Variants in ZNF366 observed in about 807,000 individuals in gnomAD.
ZNF366 encodes the protein dendritic cell-specific transcript protein.
ZNF366 carries 20 observed loss-of-function variants against 47.2 expected under a neutral mutation model. That is an observed-to-expected ratio of 0.42 (90% CI 0.30 to 0.62). The LOEUF (loss-of-function observed/expected upper bound fraction) is 0.62. Among genes scored for constraint, ZNF366 ranks in the 20% least tolerant of loss-of-function variants. ZNF366 has a pLI of 0.16. For synonymous variants in ZNF366, 421 were observed against 395.1 expected (o/e 1.07, Z -0.78); for missense variants, 987 against 976.3 (o/e 1.01, Z -0.15).
At chr5:72,485,594 C>G (rs1468065009) in intron 1 of ZNF366, among the ~76,000 whole-genome samples, 1 of 152,200 alleles carries the variant, frequency 6.6e-6, no homozygotes, top group Non-Finnish European at 1.5e-5. Context: ...AGCCTCCTGA[C>G]TCTTCTCCTG....
chr5:72,443,769 A>G lies in ZNF366; in HGVS notation c.2222T>C (p.Leu741Pro). ...LERKMEKQAV[L>P]LGI ...AAAACTGTCCACTTAGATACCTAAA[A>G]GCACTGCTTGTTTTTCCATTTTCCT... Residue 741 changes from leucine to proline, a missense_variant, in exon 5 of 5, where the codon CTT becomes CCT. By Grantham distance (98) the Leu-to-Pro change is moderately conservative (BLOSUM62 -3). Transcript: ENST00000318442. 6.2e-7 allele frequency: 1 copy of G among 1,613,000 alleles called. No homozygotes were observed. Among genetic ancestry groups the G allele is most frequent in the African/African-American group, 1.3e-5 (1 of 74,896 alleles).
Position 72,460,231 on chromosome 5 carries a change from G to C in ZNF366, c.1266C>G (p.Ile422Met), listed in dbSNP as rs770873073. The C allele has an allele frequency of 6.2e-7, 1 of 1,614,270 alleles. No homozygotes were observed. Among genetic ancestry groups the C allele is most frequent in the Non-Finnish European group, 8.5e-7 (1 of 1,180,052 alleles). The change falls in exon 2 of 5, where the codon ATC becomes ATG. Residue 422 changes from isoleucine to methionine, a missense_variant. By Grantham distance (10) the Ile-to-Met change is conservative. Around this residue, in one of 3 missense-constraint regions of ZNF366, gnomAD observed 111 missense variants for 180.5 expected, o/e 0.61. Coordinates refer to ENST00000318442, the MANE Select transcript of ZNF366 (RefSeq NM_152625.3). ...CAAACTCCATGCCACACTCTGAGCAGATGTAGGGCCGGATGTCCTTGTGCT... is the reference window on the plus strand; with the variant it reads ...CAAACTCCATGCCACACTCTGAGCACATGTAGGGCCGGATGTCCTTGTGCT... Reference protein sequence around the residue: ...MMKHKDIRPYICSECGMEFVQ... With the variant: ...MMKHKDIRPYMCSECGMEFVQ...
intron 1 of ZNF366, among the ~76,000 whole-genome samples, chr5:72,495,571 C>T (rs550497056): frequency 5.9e-5 from 9 of 152,138 alleles, no homozygotes; most frequent in East Asian, 5.8e-4. Context: ...TCCCAATAAA[C>T]GGAGAGTCAA....
chr5:72,447,789 T>A (rs905589883), intron 3 of ZNF366, among the ~76,000 whole-genome samples: 3 of 152,234 alleles, frequency 2.0e-5, no homozygotes, highest in African/African-American at 7.2e-5. Flanking sequence ...ATTTGCAATA[T>A]GGAAGGCATT....
intron 1 of ZNF366, among the ~76,000 whole-genome samples, chr5:72,501,688 T>G (rs1225468762): frequency 1.3e-5 from 2 of 152,232 alleles, no homozygotes; most frequent in Non-Finnish European, 2.9e-5. Flanking sequence ...ACCAGAGAGC[T>G]GAACACTTCC....
intron 1 of ZNF366, among the ~76,000 whole-genome samples, chr5:72,496,405 T>C (rs758037493): frequency 5.3e-5 from 8 of 152,206 alleles, no homozygotes; most frequent in African/African-American, 9.7e-5. Context: ...TTAATAATAT[T>C]GTGTCTGGCT....
intron 1 of ZNF366, among the ~76,000 whole-genome samples, chr5:72,489,479 T>A (rs551959939): frequency 6.6e-6 from 1 of 152,194 alleles, no homozygotes; most frequent in Non-Finnish European, 1.5e-5. Context: ...TATTTCTTCA[T>A]GGAGCTGGAG....
At chr5:72,458,144 GTAGC>G (rs1743228591) in intron 2 of ZNF366, among the ~76,000 whole-genome samples, 1 of 150,744 alleles carries the variant, frequency 6.6e-6, no homozygotes, top group South Asian at 2.1e-4. Flanking sequence ...AGCCTTCCGA[GTAGC>G]TGGAACTACA....
chr5:72,460,583 C>T lies in ZNF366; in HGVS notation c.914G>A (p.Gly305Asp), dbSNP rs779037501. 1.2e-6 allele frequency: 2 copies of T among 1,614,088 alleles called. No individual in the cohort carries two copies. The highest frequency in any genetic ancestry group is 2.2e-5 in the South Asian group (2 of 91,086). ...CACCTGGCACTTGTGGGGCCGCGTG[C>T]CCTGGTGGGTCAGCATGTGGGTATG... ...HLHTHMLTHQ[G>D]TRPHKCQVCH... Residue 305 changes from glycine (G) to aspartate (D), a missense_variant, in exon 2 of 5, where the codon GGC (glycine) becomes GAC (aspartate). Physicochemically the swap from Gly to Asp is moderately conservative, Grantham distance 94. Coordinates refer to ENST00000318442, the MANE Select transcript of ZNF366 (RefSeq NM_152625.3).
chr5:72,491,092 A>G (rs1411006254), intron 1 of ZNF366, among the ~76,000 whole-genome samples: 2 of 152,194 alleles, frequency 1.3e-5, no homozygotes, highest in Non-Finnish European at 2.9e-5. Context: ...TTATTTGAAG[A>G]AATAAGGAGA....
At chr5:72,489,911 C>T (rs540451277) in intron 1 of ZNF366, among the ~76,000 whole-genome samples, 3 of 152,366 alleles carry the variant, frequency 2.0e-5, no homozygotes, top group African/African-American at 4.8e-5. Context: ...ATGCTGCTAT[C>T]ACTTAACTGG....
In ZNF366 at chr5:72,443,233, A is replaced by C. The variant is rs1310383251; in HGVS notation, c.*523T>G. On this transcript the variant is annotated 3_prime_UTR_variant, in exon 5 of 5. Transcript: ENST00000318442. ...ATATCTGCAGCAACTACTGGAGAGC[A>C]TTCTCTTCAATAGCTCATCCTCCTG... 1 of 152,598 alleles carries C rather than the reference A, an allele frequency of 6.6e-6. No homozygotes were observed. 9.5% of individuals were successfully genotyped at this position (152,598 alleles called of 1,614,324 possible).
chr5:72,444,473 C>T (rs2112313035), intron 4 of ZNF366, among the ~76,000 whole-genome samples, 182 bp from the exon 5 acceptor site: 1 of 152,238 alleles, frequency 6.6e-6, no homozygotes, highest in South Asian at 2.1e-4. Flanking sequence ...CGGTTTAATC[C>T]CTTTAAGGTG....
chr5:72,486,329 G>C (rs1580250283), intron 1 of ZNF366, among the ~76,000 whole-genome samples: 3 of 152,198 alleles, frequency 2.0e-5, no homozygotes, highest in African/African-American at 7.2e-5. Flanking sequence ...GACCAACTCA[G>C]CTCTACCTTG....
At chr5:72,445,673 G>A (rs1432964271) in intron 4 of ZNF366, among the ~76,000 whole-genome samples, 2 of 152,082 alleles carry the variant, frequency 1.3e-5, no homozygotes, top group Admixed American at 6.5e-5. Flanking sequence ...AAATCATGGC[G>A]ACCAGGTCAT....
At chr5:72,497,767 AGT>A (rs1460133652) in intron 1 of ZNF366, among the ~76,000 whole-genome samples, 1 of 152,192 alleles carries the variant, frequency 6.6e-6, no homozygotes, top group Non-Finnish European at 1.5e-5. Flanking sequence ...CCCAGAGATA[AGT>A]GTGTTAACAA....
intron 1 of ZNF366, 142 bp from the exon 2 acceptor site, chr5:72,461,652 G>C (rs1244989725): frequency 3.0e-5 from 35 of 1,181,032 alleles, no homozygotes; most frequent in Non-Finnish European, 3.7e-5. Flanking sequence ...TCCTAGGGCT[G>C]TTCAAAATAT....
At chr5:72,448,419 A>G (rs1386384041) in intron 3 of ZNF366, among the ~76,000 whole-genome samples, 5 of 152,200 alleles carry the variant, frequency 3.3e-5, no homozygotes, top group Non-Finnish European at 5.9e-5. Flanking sequence ...AGAAAGCGCA[A>G]CCCAGAAGCA....
intron 3 of ZNF366, among the ~76,000 whole-genome samples, chr5:72,456,089 T>G (rs998208943): frequency 1.6e-4 from 24 of 152,192 alleles, no homozygotes; most frequent in African/African-American, 5.5e-4. Flanking sequence ...TCCACATTAC[T>G]TGCATCCTTT....
Sources: allele counts gnomAD v4.1 joint callset (sites outside exome capture counted in the v4.1 genomes callset), GRCh38; gene constraint gnomAD v4.1.1; regional missense constraint gnomAD v4.1.1; transcripts MANE v1.5; gene names NCBI Gene and HGNC (gene_info 2026-07-23, HGNC 2026-07-21).